Variants in ABCB11 observed in about 807,000 individuals in gnomAD.
ABCB11 encodes the protein bile salt export pump.
Under a neutral mutation model 148.0 loss-of-function variants are expected in ABCB11, and 95 were observed. That is an observed-to-expected ratio of 0.64 (90% CI 0.54 to 0.76). The LOEUF (loss-of-function observed/expected upper bound fraction) is 0.76, where lower values mean the gene tolerates loss of function less well. Among genes scored for constraint, ABCB11 ranks in the 30% least tolerant of loss-of-function variants. The pLI is 0.00. For synonymous variants in ABCB11, 591 were observed against 555.4 expected (o/e 1.06, Z -0.90); for missense variants, 1,523 against 1,617.8 (o/e 0.94, Z 1.01).
At chr2:168,995,859 G>T (rs768866768) in intron 6 of ABCB11, among the ~76,000 whole-genome samples, 1 of 150,594 alleles carries the variant, frequency 6.6e-6, no homozygotes, top group East Asian at 2.0e-4. Flanking sequence ...ATTTCCTCCC[G>T]GAAAGACCTG....
At position 169,003,296 on chromosome 2, in the gene ABCB11, T is replaced by C. The variant is rs146609280; in HGVS notation, c.390-6574A>G. ...TGCAAATGCCATTATTGCATTCCTT[T>C]TTATGGCTGAGTAGTATTCCATGGT... On this transcript the variant is annotated intron_variant, in intron 5 of 27. Transcript: ENST00000650372. Among the ~76,000 whole-genome samples the C allele has an allele frequency of 0.014, 2,152 of 151,366 alleles. 207 individuals carry two copies. In the East Asian group the frequency reaches 0.28, roughly 20 times the overall value.
chr2:168,944,979 C>A lies in ABCB11; in HGVS notation c.2344-18G>T, dbSNP rs1256498457. 2 of 1,427,446 alleles carry A rather than the reference C, an allele frequency of 1.4e-6. No individual in the cohort carries two copies. Among genetic ancestry groups the A allele is most frequent in the South Asian group, 1.3e-5 (1 of 74,182 alleles). 88.4% of individuals were successfully genotyped at this position (1,427,446 alleles called of 1,614,324 possible). A position where few individuals can be genotyped will look rare whatever the true frequency, so the allele number is the denominator to read the frequency against. On this transcript the variant is annotated intron_variant, in intron 19 of 27. Coordinates refer to ENST00000650372, the MANE Select transcript of ABCB11 (RefSeq NM_003742.4). ...GAAAAAGTCTTGGAAAGATAGTAAA[C>A]AAGAAAGTAACTTTATTATAAATAG...
At chr2:168,991,025 A>C (rs1694501691) in intron 8 of ABCB11, 100 bp from the exon 9 acceptor site, 13 of 1,350,888 alleles carry the variant, frequency 9.6e-6, no homozygotes, top group Non-Finnish European at 1.2e-5. Context: ...GGTTTAATAC[A>C]ATATTAGATT....
intron 10 of ABCB11, 44 bp downstream of exon 10, chr2:168,986,066 T>C (rs759809407): frequency 7.1e-7 from 1 of 1,403,576 alleles, no homozygotes; most frequent in East Asian, 2.5e-5. Context: ...TTTTCTGAGA[T>C]ACCAGAAGGA....
At chr2:168,928,594 C>T (rs1691424109) in intron 25 of ABCB11, among the ~76,000 whole-genome samples, 1 of 152,158 alleles carries the variant, frequency 6.6e-6, no homozygotes, top group African/African-American at 2.4e-5. Flanking sequence ...ATTGGCCTTG[C>T]TTTCGACCTG....
chr2:168,929,766 A>T (rs1174133503), intron 25 of ABCB11, among the ~76,000 whole-genome samples: 1 of 152,226 alleles, frequency 6.6e-6, no homozygotes, highest in East Asian at 1.9e-4. Context: ...TTACAAATTT[A>T]TAAATAGAAG....
At chr2:168,940,507 G>A (rs2263243) in intron 21 of ABCB11, among the ~76,000 whole-genome samples, 42,839 of 151,862 alleles carry the variant, frequency 0.28, 7,777 homozygotes, top group South Asian at 0.55. Context: ...AAGTGAGGAA[G>A]CTTTGGGAGA....
intron 4 of ABCB11, 25 bp from the exon 5 acceptor site, chr2:169,013,535 T>C (rs368698001): frequency 6.3e-6 from 10 of 1,589,342 alleles, no homozygotes; most frequent in Non-Finnish European, 7.8e-6. Context: ...GGTTCAGAGA[T>C]CATCTATGGG....
intron 17 of ABCB11, among the ~76,000 whole-genome samples, chr2:168,966,652 G>C (rs1250545001): frequency 6.6e-6 from 1 of 151,774 alleles, no homozygotes. Flanking sequence ...AATTGTTCTT[G>C]AATTTAAAAT....
chr2:168,947,963 T>C (rs1387247972), intron 19 of ABCB11, among the ~76,000 whole-genome samples: 2 of 151,560 alleles, frequency 1.3e-5, no homozygotes, highest in Non-Finnish European at 3.0e-5. Flanking sequence ...AACTTAGCCA[T>C]TTCATGGACC....
Position 168,964,268 on chromosome 2 carries a change from G to A in ABCB11, c.2116C>T (p.Leu706=). 1 of 1,571,026 alleles carries A rather than the reference G, an allele frequency of 6.4e-7. No homozygotes were observed. Residue 706 remains leucine (L), a synonymous_variant, in exon 18 of 28, where the codon CTG becomes TTG. Transcript: ENST00000650372. ...ACAGCTAATGGAGGTTCGTGCACCAGGTAAGAAAGCTGAGACTTGGAGCGT... is the reference window on the plus strand; with the variant it reads ...ACAGCTAATGGAGGTTCGTGCACCAAGTAAGAAAGCTGAGACTTGGAGCGT... ...RQRSKSQLSY[L]VHEPPLAVVD... is the part of the protein sequence containing the mutation.
chr2:168,927,148 G>A lies in ABCB11; in HGVS notation c.3618+8C>T, dbSNP rs371084269. 42 of 1,611,398 alleles carry A rather than the reference G, an allele frequency of 2.6e-5. No individual in the cohort carries two copies. The African/African-American group carries it at 3.5e-4, about 13-fold the overall frequency. Reference sequence around the variant, plus strand: ...TCTCATAGGGAATGGCTCTGACTTCGTACTCACCTCTGGGAGTGACATGAC... The same window carrying A: ...TCTCATAGGGAATGGCTCTGACTTCATACTCACCTCTGGGAGTGACATGAC... On this transcript the variant is annotated splice_region_variant and intron_variant, in intron 26 of 27. Coordinates refer to ENST00000650372, the MANE Select transcript of ABCB11 (RefSeq NM_003742.4).
At chr2:168,968,155 C>G (rs1258310677) in intron 17 of ABCB11, among the ~76,000 whole-genome samples, 1 of 151,800 alleles carries the variant, frequency 6.6e-6, no homozygotes, top group East Asian at 2.0e-4. Flanking sequence ...AGTCCCCTTT[C>G]TAAGCTCAAT....
In ABCB11 at chr2:168,930,787, T is replaced by A; in HGVS notation, c.3289A>T (p.Asn1097Tyr). ...YPSRPDSQVL[N>Y]GLSVSISPGQ... ...GGACTAATCGACACTGAGAGACCAT[T>A]CAGAACTTGCGAGTCAGGTCGAGAA... Residue 1097 changes from asparagine to tyrosine, a missense_variant, in exon 25 of 28, where the codon AAT becomes TAT. Asn to Tyr is a moderately radical substitution (Grantham distance 143). Transcript: ENST00000650372. 1 of 1,613,720 alleles carries A rather than the reference T, an allele frequency of 6.2e-7. No homozygotes were observed. The highest frequency in any genetic ancestry group is 1.1e-5 in the South Asian group (1 of 90,982).
Position 169,025,822 on chromosome 2 carries a change from G to A in ABCB11, c.-28+5403C>T, listed in dbSNP as rs143987241. 1.3e-4 allele frequency among the ~76,000 whole-genome samples: 20 copies of A among 152,346 alleles called. 1 individual carries two copies. The highest frequency in any genetic ancestry group is 1.2e-3 in the East Asian group (6 of 5,192). On this transcript the variant is annotated intron_variant, in intron 1 of 27. Coordinates refer to ENST00000650372, the MANE Select transcript of ABCB11 (RefSeq NM_003742.4). Reference sequence around the variant, plus strand: ...GAATACATCTGTAGCTAAACAAGTCGTGTTTGCTACTCATTGCACCAAGGG... The same window carrying A: ...GAATACATCTGTAGCTAAACAAGTCATGTTTGCTACTCATTGCACCAAGGG...
At chr2:168,943,347 C>T (rs936982722) in intron 21 of ABCB11, among the ~76,000 whole-genome samples, 5 of 151,850 alleles carry the variant, frequency 3.3e-5, no homozygotes, top group African/African-American at 1.2e-4. Context: ...TGAGTGATTA[C>T]ATTTTGAGAA....
chr2:168,930,497 AG>A (rs1472828607), intron 25 of ABCB11, among the ~76,000 whole-genome samples, 167 bp downstream of exon 25: 1 of 152,260 alleles, frequency 6.6e-6, no homozygotes, highest in Non-Finnish European at 1.5e-5. Context: ...ATTGTGAGGT[AG>A]AATCAGGTGA....
intron 10 of ABCB11, among the ~76,000 whole-genome samples, chr2:168,980,634 T>A (rs1291566817): frequency 6.6e-6 from 1 of 152,150 alleles, no homozygotes; most frequent in Admixed American, 6.5e-5. Flanking sequence ...CAACATGTCA[T>A]AAGTAGTAGA....
At chr2:169,016,711 G>T in intron 3 of ABCB11, 67 bp downstream of exon 3, 3 of 1,310,354 alleles carry the variant, frequency 2.3e-6, no homozygotes, top group Non-Finnish European at 3.3e-6. Context: ...TCTGCTTTGT[G>T]CCTTTGATAT....
Sources: allele counts gnomAD v4.1 joint callset (sites outside exome capture counted in the v4.1 genomes callset), GRCh38; gene constraint gnomAD v4.1.1; transcripts MANE v1.5; gene names NCBI Gene and HGNC (gene_info 2026-07-23, HGNC 2026-07-21).